The following XXYLT1 variants were observed in gnomAD, a reference collection of about 807,000 sequenced individuals.
XXYLT1 encodes UDP-xylose:alpha-xyloside alpha-1,3-xylosyltransferase.
XXYLT1 carries 20 observed loss-of-function variants against 28.9 expected under a neutral mutation model. The ratio of observed to expected loss-of-function variants is 0.69; its 90% CI spans 0.49 to 1.00. XXYLT1 has a LOEUF of 1.00. Among genes scored for constraint, XXYLT1 ranks in the 50% least tolerant of loss-of-function variants. The pLI is 0.00. For synonymous variants in XXYLT1, 257 were observed against 253.8 expected (o/e 1.01, Z -0.12); for missense variants, 542 against 560.1 (o/e 0.97, Z 0.33).
intron 3 of XXYLT1, among the ~76,000 whole-genome samples, chr3:195,143,794 A>ATATC (rs1341429805): frequency 2.6e-5 from 3 of 116,912 alleles, no homozygotes; most frequent in Non-Finnish European, 1.7e-5. Flanking sequence ...TTATATATAT[A>ATATC]TATATAGATA....
intron 1 of XXYLT1, among the ~76,000 whole-genome samples, chr3:195,260,574 C>T (rs998226664): frequency 5.3e-5 from 8 of 152,322 alleles, no homozygotes; most frequent in African/African-American, 1.7e-4. Context: ...GACAAGGAGG[C>T]GAAGCCCCCT....
intron 3 of XXYLT1, among the ~76,000 whole-genome samples, chr3:195,119,250 C>G (rs1718211529): frequency 6.8e-6 from 1 of 146,552 alleles, no homozygotes. Context: ...CGCCATTGCA[C>G]TCCAGCCTGG....
intron 3 of XXYLT1, among the ~76,000 whole-genome samples, chr3:195,087,822 C>CA (rs1402790346): frequency 1.3e-5 from 2 of 151,994 alleles, no homozygotes; most frequent in African/African-American, 4.8e-5. Context: ...TCAGTGGGTG[C>CA]GCGCACCGTG....
At chr3:195,126,617 G>A (rs1438237948) in intron 3 of XXYLT1, among the ~76,000 whole-genome samples, 1 of 152,106 alleles carries the variant, frequency 6.6e-6, no homozygotes, top group Non-Finnish European at 1.5e-5. Flanking sequence ...TGCACAGGAA[G>A]GAAGCACGCA....
At chr3:195,194,342 C>T (rs189047614) in intron 2 of XXYLT1, among the ~76,000 whole-genome samples, 1 of 152,000 alleles carries the variant, frequency 6.6e-6, no homozygotes, top group East Asian at 1.9e-4. Flanking sequence ...CCTGACTAGT[C>T]TTTAAGAAAA....
intron 3 of XXYLT1, among the ~76,000 whole-genome samples, chr3:195,142,756 C>A (rs895731025): frequency 6.6e-6 from 1 of 152,210 alleles, no homozygotes; most frequent in Non-Finnish European, 1.5e-5. Flanking sequence ...TGCGGCCAGC[C>A]CGCCCAGGCT....
At chr3:195,197,223 G>T (rs1214343530) in intron 2 of XXYLT1, among the ~76,000 whole-genome samples, 2 of 152,306 alleles carry the variant, frequency 1.3e-5, no homozygotes, top group East Asian at 1.9e-4. Context: ...GATCACCTGA[G>T]ATCAGGAGTT....
At chr3:195,105,978 T>G (rs1015412872) in intron 3 of XXYLT1, among the ~76,000 whole-genome samples, 10 of 152,212 alleles carry the variant, frequency 6.6e-5, no homozygotes. Context: ...TACTTCTGAT[T>G]AATGTCGGCA....
rs563021760 is a variant in XXYLT1 at position 195,209,423 on chromosome 3, G to C, written c.652+17286C>G. 1 of 152,522 alleles carries C rather than the reference G, an allele frequency of 6.6e-6. No individual in the cohort carries two copies. Among genetic ancestry groups the C allele is most frequent in the South Asian group, 2.1e-4 (1 of 4,834 alleles). 9.4% of individuals were successfully genotyped at this position (152,522 alleles called of 1,614,324 possible). On this transcript the variant is annotated intron_variant, in intron 2 of 3. Transcript: ENST00000310380. This position sits in a 1 kb window ranked among gnomAD's most constrained non-coding sequence, Gnocchi z 5.0. ...CCCTCGGCCCCATCAAGGGCTTTCA[G>C]ATTTTACAGAAACGTTCCGGCTCTT...
At position 195,070,065 on chromosome 3, in the gene XXYLT1, C is replaced by T; in HGVS notation, c.832G>A (p.Gly278Arg). 6.3e-7 allele frequency: 1 copy of T among 1,593,312 alleles called. No homozygotes were observed. Among genetic ancestry groups the T allele is most frequent in the Non-Finnish European group, 8.5e-7 (1 of 1,176,742 alleles). The change falls in exon 4 of 4, where the codon GGG becomes AGG. Residue 278 changes from glycine to arginine, a missense_variant. By Grantham distance (125) the Gly-to-Arg change is moderately radical. Coordinates refer to ENST00000310380, the MANE Select transcript of XXYLT1 (RefSeq NM_152531.5). ...FRHENPQTRVGGPPPEGLPGF... is the reference protein window; with the variant it reads ...FRHENPQTRVRGPPPEGLPGF... Reference sequence around the variant, plus strand: ...GGCAGCCCCTCGGGGGGCGGGCCCCCAACCCGGGTCTGGGGGTTCTCATGG... The same window carrying T: ...GGCAGCCCCTCGGGGGGCGGGCCCCTAACCCGGGTCTGGGGGTTCTCATGG...
Position 195,144,365 on chromosome 3 carries a change from A to C in XXYLT1, c.785+12084T>G, listed in dbSNP as rs942799526. 1.3e-5 allele frequency among the ~76,000 whole-genome samples: 2 copies of C among 151,906 alleles called. 1 individual carries two copies. Among genetic ancestry groups the C allele is most frequent in the South Asian group, 4.2e-4 (2 of 4,806 alleles). On this transcript the variant is annotated intron_variant, in intron 3 of 3. Coordinates refer to ENST00000310380, the MANE Select transcript of XXYLT1 (RefSeq NM_152531.5). ...ATCTCTCCCAGATTCTGGCTGGCAA[A>C]GGGGGTCAAACGGTTCCTCCTTTTT...
At chr3:195,110,714 TGG>T (rs1717625372) in intron 3 of XXYLT1, among the ~76,000 whole-genome samples, 1 of 138,118 alleles carries the variant, frequency 7.2e-6, no homozygotes. Context: ...GTGGTGTGTG[TGG>T]TGTGTGTGTG....
At position 195,204,476 on chromosome 3, in the gene XXYLT1, A is replaced by ACTCTCTCTCTCTCT. The variant is rs61196221; in HGVS notation, c.652+22219_652+22232dup. Among the ~76,000 whole-genome samples, 290 of 125,952 alleles carry ACTCTCTCTCTCTCT rather than the reference A, an allele frequency of 2.3e-3. 3 individuals carry two copies. Among genetic ancestry groups the ACTCTCTCTCTCTCT allele is most frequent in the African/African-American group, 7.8e-3 (280 of 35,868 alleles). The allele number at this position is 125,952 out of a possible 152,430, so 82.6% of individuals were successfully genotyped here. A position where few individuals can be genotyped will look rare whatever the true frequency, so the allele number is the denominator to read the frequency against. ...CGCACACACACACACTCACTCTCTCACTCTCTCTCTCTCTCTCTCTCTCTC... is the reference window on the plus strand; with the variant it reads ...CGCACACACACACACTCACTCTCTCACTCTCTCTCTCTCTCTCTCTCTCTCTCTCTCTCTCTCTC... On this transcript the variant is annotated intron_variant, in intron 2 of 3. Coordinates refer to ENST00000310380, the MANE Select transcript of XXYLT1 (RefSeq NM_152531.5).
intron 3 of XXYLT1, among the ~76,000 whole-genome samples, chr3:195,139,572 G>A (rs1230897687): frequency 6.6e-6 from 1 of 152,204 alleles, no homozygotes; most frequent in Non-Finnish European, 1.5e-5. Context: ...ACCTCTTGAG[G>A]GTGGGGTCTG....
At chr3:195,099,234 C>T (rs1246414496) in intron 3 of XXYLT1, among the ~76,000 whole-genome samples, 5 of 152,180 alleles carry the variant, frequency 3.3e-5, no homozygotes, top group African/African-American at 7.2e-5. Context: ...AATAAATAAA[C>T]GTGCTCAGCT....
At chr3:195,096,519 C>G (rs1250757105) in intron 3 of XXYLT1, among the ~76,000 whole-genome samples, 1 of 152,246 alleles carries the variant, frequency 6.6e-6, no homozygotes, top group Non-Finnish European at 1.5e-5. Flanking sequence ...GATACACACA[C>G]ACACACGCAT....
intron 2 of XXYLT1, among the ~76,000 whole-genome samples, chr3:195,201,444 T>G (rs1169272405): frequency 6.6e-6 from 1 of 152,194 alleles, no homozygotes; most frequent in African/African-American, 2.4e-5. Flanking sequence ...CAATGTATTC[T>G]CAAACCTGTG....
rs181183941 is a variant in XXYLT1 at position 195,084,688 on chromosome 3, G to A, written c.786-14577C>T. On this transcript the variant is annotated intron_variant, in intron 3 of 3. Transcript: ENST00000310380. ...TTAGTGAGTTAAACCACCCAAGGAT[G>A]TTCTAGGCAAAACTCCCACCACTAC... Among the ~76,000 whole-genome samples the A allele has an allele frequency of 2.6e-4, 40 of 152,294 alleles. 1 individual carries two copies. Among genetic ancestry groups the A allele is most frequent in the Middle Eastern group, 6.8e-3 (2 of 294 alleles).
intron 1 of XXYLT1, among the ~76,000 whole-genome samples, chr3:195,264,343 C>T (rs184862585): frequency 1.2e-4 from 19 of 152,366 alleles, no homozygotes; most frequent in Non-Finnish European, 2.4e-4. Flanking sequence ...CTTGCTCAAA[C>T]ATGCAGAGCA....
Sources: allele counts gnomAD v4.1 joint callset (sites outside exome capture counted in the v4.1 genomes callset), GRCh38; gene constraint gnomAD v4.1.1; non-coding constraint Gnocchi (gnomAD v3.1); transcripts MANE v1.5; gene names NCBI Gene and HGNC (gene_info 2026-07-23, HGNC 2026-07-21).